Variants in PDE1A observed in about 807,000 individuals in gnomAD.
The protein encoded by PDE1A is phosphodiesterase 1A.
PDE1A carries 35 observed loss-of-function variants against 61.7 expected under a neutral mutation model. The observed-to-expected ratio is 0.57, with a 90% CI of 0.43 to 0.75. The LOEUF (loss-of-function observed/expected upper bound fraction) is 0.75, where lower values mean the gene tolerates loss of function less well. Among genes scored for constraint, PDE1A ranks in the 30% least tolerant of loss-of-function variants. The pLI, the probability that PDE1A is intolerant of heterozygous loss-of-function variation, is 0.00. For missense variants in PDE1A, 597 were observed against 630.6 expected (o/e 0.95, Z 0.57); for synonymous variants, 232 against 213.2 (o/e 1.09, Z -0.77).
chr2:182,368,184 G>C (rs902704316), intron 1 of PDE1A, among the ~76,000 whole-genome samples: 3 of 151,990 alleles, frequency 2.0e-5, no homozygotes, highest in African/African-American at 7.2e-5. Flanking sequence ...ATTAACAGAT[G>C]ACACTTTTTC....
chr2:182,620,088 A>G, the PDE1A span, among the ~76,000 whole-genome samples: 3 of 152,206 alleles, frequency 2.0e-5, no homozygotes, highest in Non-Finnish European at 4.4e-5. Context: ...CATTCAAACC[A>G]TGACACATAG....
chr2:182,442,548 T>C (rs191300839), intron 2 of PDE1A, among the ~76,000 whole-genome samples: 24 of 152,204 alleles, frequency 1.6e-4, no homozygotes, highest in Admixed American at 9.8e-4. Flanking sequence ...AAAAATTATA[T>C]GCATTGTGTA....
At chr2:182,152,165 T>C (rs1341924405) in intron 13 of PDE1A, among the ~76,000 whole-genome samples, 3 of 152,226 alleles carry the variant, frequency 2.0e-5, no homozygotes, top group African/African-American at 7.2e-5. Context: ...AGTATTTCCT[T>C]AGGCATATCT....
At chr2:182,627,124 A>C in the PDE1A span, among the ~76,000 whole-genome samples, 2 of 25,746 alleles carry the variant, frequency 7.8e-5, no homozygotes, top group African/African-American at 1.0e-4. Flanking sequence ...ATAATATATT[A>C]TGTATATATA....
At chr2:182,419,519 T>G (rs1703141058) in intron 1 of PDE1A, among the ~76,000 whole-genome samples, 1 of 152,018 alleles carries the variant, frequency 6.6e-6, no homozygotes, top group Non-Finnish European at 1.5e-5. Flanking sequence ...TTTCTCATTC[T>G]TTAATAAGGA....
intron 2 of PDE1A, among the ~76,000 whole-genome samples, chr2:182,518,515 T>G (rs2125983684): frequency 6.6e-6 from 1 of 152,318 alleles, no homozygotes; most frequent in Non-Finnish European, 1.5e-5. Flanking sequence ...ATTCCAAGTC[T>G]TAAAATTAAT....
At chr2:182,560,864 G>C in the PDE1A span, among the ~76,000 whole-genome samples, 1 of 151,984 alleles carries the variant, frequency 6.6e-6, no homozygotes, top group East Asian at 1.9e-4. Flanking sequence ...AATGTCTTCT[G>C]AGAAGTGTCT....
At chr2:182,219,244 A>G (rs1291158043) in intron 7 of PDE1A, among the ~76,000 whole-genome samples, 2 of 152,286 alleles carry the variant, frequency 1.3e-5, no homozygotes, top group South Asian at 2.1e-4. Flanking sequence ...TGATGAATAC[A>G]TCAAGGGAAG....
At chr2:182,681,548 A>G in the PDE1A span, among the ~76,000 whole-genome samples, 1 of 147,702 alleles carries the variant, frequency 6.8e-6, no homozygotes, top group African/African-American at 2.5e-5. Context: ...AGTGATGTTT[A>G]AAATTGCCAA....
chr2:182,317,728 C>T (rs1201765515), intron 1 of PDE1A, among the ~76,000 whole-genome samples: 1 of 152,034 alleles, frequency 6.6e-6, no homozygotes, highest in Non-Finnish European at 1.5e-5. Context: ...GACCTAGGAA[C>T]AATGGAGGTG....
the PDE1A span, among the ~76,000 whole-genome samples, chr2:182,627,251 A>ATTATTT: frequency 8.3e-5 from 2 of 24,086 alleles, no homozygotes; most frequent in African/African-American, 1.2e-4. Context: ...AAATATAAAT[A>ATTATTT]ATATATTATT....
At chr2:182,411,498 T>C (rs545366761) in intron 1 of PDE1A, among the ~76,000 whole-genome samples, 6 of 152,290 alleles carry the variant, frequency 3.9e-5, no homozygotes, top group Admixed American at 1.3e-4. Flanking sequence ...AATTGGGGTA[T>C]GTATTTACTT....
At chr2:182,149,565 G>C (rs1489128289) in intron 13 of PDE1A, among the ~76,000 whole-genome samples, 1 of 152,126 alleles carries the variant, frequency 6.6e-6, no homozygotes, top group Non-Finnish European at 1.5e-5. Flanking sequence ...CAGCCAGATA[G>C]CAGAGTCCTC....
chr2:182,262,373 C>T (rs9789594), intron 2 of PDE1A, among the ~76,000 whole-genome samples: 1 of 152,108 alleles, frequency 6.6e-6, no homozygotes, highest in African/African-American at 2.4e-5. Context: ...TCAAGTGATC[C>T]TCCCACCTCA....
chr2:182,552,439 GTTTTTTTTTTT>G, the PDE1A span, among the ~76,000 whole-genome samples: 1 of 122,892 alleles, frequency 8.1e-6, no homozygotes, highest in Non-Finnish European at 1.7e-5. Context: ...GCTACACAAA[GTTTTTTTTTTT>G]TTTTTTTTTT....
the PDE1A span, among the ~76,000 whole-genome samples, chr2:182,675,420 A>G: frequency 6.6e-6 from 1 of 152,136 alleles, no homozygotes; most frequent in South Asian, 2.1e-4. Flanking sequence ...ATGAATATTC[A>G]CATGAATGTG....
At chr2:182,402,301 A>T (rs1702051235) in intron 1 of PDE1A, among the ~76,000 whole-genome samples, 1 of 152,222 alleles carries the variant, frequency 6.6e-6, no homozygotes, top group Non-Finnish European at 1.5e-5. Flanking sequence ...TAACCAAAAC[A>T]GCCTTGTACT....
the PDE1A span, among the ~76,000 whole-genome samples, chr2:182,602,179 C>T: frequency 6.6e-6 from 1 of 152,238 alleles, no homozygotes; most frequent in African/African-American, 2.4e-5. Flanking sequence ...GGCAGGGGGG[C>T]CTTCCCGGGC....
At chr2:182,708,412 T>C in the PDE1A span, among the ~76,000 whole-genome samples, 1 of 152,134 alleles carries the variant, frequency 6.6e-6, no homozygotes, top group Non-Finnish European at 1.5e-5. Flanking sequence ...GTCACAAATA[T>C]TTCAGTTAAC....
Sources: gnomAD v4.1 joint callset for allele counts (sites outside exome capture counted in the v4.1 genomes callset) on GRCh38, gnomAD v4.1.1 for gene constraint, MANE v1.5 for transcripts, NCBI Gene and HGNC (gene_info 2026-07-23, HGNC 2026-07-21) for gene names.